The following DOCK3 variants were observed in gnomAD, a reference collection of about 807,000 sequenced individuals.
The protein encoded by DOCK3 is dedicator of cytokinesis protein 3.
Under a neutral mutation model 265.6 loss-of-function variants are expected in DOCK3, and 60 were observed. The ratio of observed to expected loss-of-function variants is 0.23; its 90% CI spans 0.18 to 0.28. The LOEUF (loss-of-function observed/expected upper bound fraction) is 0.28. Ranked by LOEUF, DOCK3 falls within the 10% of genes least tolerant of loss-of-function variation. The probability of loss-of-function intolerance (pLI) is 1.00; values close to 1 mark genes in which losing one functional copy is unlikely to be tolerated. For synonymous variants in DOCK3, 881 were observed against 938.0 expected (o/e 0.94, Z 1.11); for missense variants, 1,981 against 2,594.3 (o/e 0.76, Z 5.14).
At chr3:50,821,196 A>G (rs553279783) in intron 2 of DOCK3, among the ~76,000 whole-genome samples, 1 of 133,344 alleles carries the variant, frequency 7.5e-6, no homozygotes, top group South Asian at 2.3e-4. Flanking sequence ...ATTAGGTCCC[A>G]CTTGTCAATT....
intron 2 of DOCK3, among the ~76,000 whole-genome samples, chr3:50,802,711 T>C (rs1044408440): frequency 2.6e-5 from 4 of 152,176 alleles, no homozygotes; most frequent in Admixed American, 6.5e-5. Context: ...AATTATTTCT[T>C]TGTCTTTGAC....
chr3:51,002,821 A>G (rs150770261), intron 5 of DOCK3, among the ~76,000 whole-genome samples: 88 of 152,312 alleles, frequency 5.8e-4, no homozygotes, highest in Non-Finnish European at 1.1e-3. Context: ...GACAAATTAC[A>G]TTTCCACTTG....
intron 49 of DOCK3, among the ~76,000 whole-genome samples, chr3:51,363,983 A>G (rs909771216): frequency 2.1e-4 from 32 of 152,294 alleles, no homozygotes; most frequent in Non-Finnish European, 2.9e-4. Flanking sequence ...ATGATTTATA[A>G]TCCTTTGGGT....
intron 22 of DOCK3, among the ~76,000 whole-genome samples, chr3:51,256,127 G>A (rs1005303102): frequency 2.0e-5 from 3 of 152,144 alleles, no homozygotes; most frequent in African/African-American, 2.4e-5. Flanking sequence ...GGAGTTTGCC[G>A]GAGGTCCACT....
At position 51,298,060 on chromosome 3, in the gene DOCK3, A is replaced by G. The variant is rs1049330239; in HGVS notation, c.2923-12172A>G. 2.6e-5 allele frequency among the ~76,000 whole-genome samples: 4 copies of G among 152,220 alleles called. No individual in the cohort carries two copies. The East Asian group carries it at 7.7e-4, about 29-fold the overall frequency. On this transcript the variant is annotated intron_variant, in intron 27 of 52. Coordinates refer to ENST00000266037, the MANE Select transcript of DOCK3 (RefSeq NM_004947.5). ...ATTCTTTAAACATTTCATAGATTTTATTAGTGAAACCATCTTGTCCTAGAA... is the reference window on the plus strand; with the variant it reads ...ATTCTTTAAACATTTCATAGATTTTGTTAGTGAAACCATCTTGTCCTAGAA...
chr3:51,249,518 C>T lies in DOCK3; in HGVS notation c.2184+2711C>T, dbSNP rs1272072342. ...GAGGGAGGTGGGGGGGTCAGCTCCC[C>T]GCCCGGCCAGCCGCCCGGTCCGGGA... is the stretch of plus-strand genomic sequence containing the variant. On this transcript the variant is annotated intron_variant, in intron 22 of 52. Coordinates refer to ENST00000266037, the MANE Select transcript of DOCK3 (RefSeq NM_004947.5). Among the ~76,000 whole-genome samples the T allele has an allele frequency of 1.4e-4, 13 of 92,560 alleles. 1 individual carries two copies. The highest frequency in any genetic ancestry group is 3.2e-4 in the East Asian group (1 of 3,166). The allele number at this position is 92,560 out of a possible 152,430, so 60.7% of individuals were successfully genotyped here.
At position 50,675,506 on chromosome 3, in the gene DOCK3, G is replaced by C. The variant is rs1338497702; in HGVS notation, c.37+206G>C. Among the ~76,000 whole-genome samples, 1 of 151,970 alleles carries C rather than the reference G, an allele frequency of 6.6e-6. No individual in the cohort carries two copies. Among genetic ancestry groups the C allele is most frequent in the Admixed American group, 6.6e-5 (1 of 15,256 alleles). On this transcript the variant is annotated intron_variant, in intron 1 of 52. Coordinates refer to ENST00000266037, the MANE Select transcript of DOCK3 (RefSeq NM_004947.5). The surrounding 1 kb of genome is among the most constrained non-coding windows in gnomAD (Gnocchi z 6.1). Reference sequence around the variant, plus strand: ...GGTCTCTGTGCAGAGAGGGCGGCAGGGGGCGCTGGCGGTGCGGCCTTGGCA... The same window carrying C: ...GGTCTCTGTGCAGAGAGGGCGGCAGCGGGCGCTGGCGGTGCGGCCTTGGCA...
intron 4 of DOCK3, among the ~76,000 whole-genome samples, chr3:50,921,362 T>C (rs1313920270): frequency 6.6e-6 from 1 of 152,224 alleles, no homozygotes; most frequent in Admixed American, 6.5e-5. Flanking sequence ...CTTGTGCATG[T>C]GTCACGTAGT....
intron 4 of DOCK3, among the ~76,000 whole-genome samples, chr3:50,918,486 T>G (rs1049226733): frequency 2.0e-5 from 3 of 152,202 alleles, no homozygotes; most frequent in African/African-American, 7.2e-5. Context: ...ATTGTGGTTT[T>G]GATTTGCATT....
chr3:51,343,821 G>A (rs1286843960), intron 38 of DOCK3, among the ~76,000 whole-genome samples: 2 of 152,160 alleles, frequency 1.3e-5, no homozygotes, highest in African/African-American at 2.4e-5. Context: ...ATTAGCCATG[G>A]CTAATAACAT....
intron 49 of DOCK3, among the ~76,000 whole-genome samples, chr3:51,373,731 C>A (rs945087549): frequency 1.3e-5 from 2 of 152,198 alleles, no homozygotes; most frequent in Non-Finnish European, 2.9e-5. Context: ...ACTAAAGAGC[C>A]TGAGTTAAAG....
At chr3:50,983,172 C>T (rs1221898674) in intron 5 of DOCK3, among the ~76,000 whole-genome samples, 1 of 152,056 alleles carries the variant, frequency 6.6e-6, no homozygotes, top group Non-Finnish European at 1.5e-5. Context: ...ACTTTGGGTA[C>T]ACAGGGGGTA....
chr3:50,994,649 A>G (rs1328634566), intron 5 of DOCK3, among the ~76,000 whole-genome samples: 1 of 152,246 alleles, frequency 6.6e-6, no homozygotes, highest in African/African-American at 2.4e-5. Context: ...AGGTGAAGAT[A>G]TCTGTAAACA....
At chr3:50,722,906 G>A (rs760548947) in intron 1 of DOCK3, among the ~76,000 whole-genome samples, 1 of 151,642 alleles carries the variant, frequency 6.6e-6, no homozygotes, top group Non-Finnish European at 1.5e-5. Flanking sequence ...CAAGTAGCTG[G>A]GACTACAGGC....
chr3:50,841,743 C>CTTTTTCTTTTTTTTTT, intron 3 of DOCK3, 28 bp downstream of exon 3: 1 of 483,402 alleles, frequency 2.1e-6, no homozygotes, highest in South Asian at 4.8e-5. Context: ...GTTACCTTTT[C>CTTTTTCTTTTTTTTTT]TAATGTAGGA....
chr3:51,189,727 T>C (rs1316206484), intron 12 of DOCK3, among the ~76,000 whole-genome samples: 1 of 152,228 alleles, frequency 6.6e-6, no homozygotes, highest in Non-Finnish European at 1.5e-5. Flanking sequence ...AACTTACATA[T>C]GCAAGTGTCT....
intron 22 of DOCK3, among the ~76,000 whole-genome samples, chr3:51,254,470 T>C (rs939356150): frequency 6.6e-6 from 1 of 152,210 alleles, no homozygotes; most frequent in Non-Finnish European, 1.5e-5. Context: ...AGTGGGGTGT[T>C]AAAGTCTCCC....
intron 5 of DOCK3, among the ~76,000 whole-genome samples, chr3:51,059,937 A>T (rs2081352133): frequency 6.6e-6 from 1 of 152,148 alleles, no homozygotes; most frequent in Non-Finnish European, 1.5e-5. Context: ...TTCAAAATTT[A>T]GTTTGAAATT....
intron 27 of DOCK3, among the ~76,000 whole-genome samples, chr3:51,288,946 A>G (rs1043325809): frequency 6.6e-6 from 1 of 151,348 alleles, no homozygotes; most frequent in African/African-American, 2.4e-5. Context: ...GTGTATTTAA[A>G]GTAAATCGGT....
Sources: gnomAD v4.1 joint callset for allele counts (sites outside exome capture counted in the v4.1 genomes callset) on GRCh38, gnomAD v4.1.1 for gene constraint, Gnocchi (gnomAD v3.1) non-coding constraint, MANE v1.5 for transcripts, NCBI Gene and HGNC (gene_info 2026-07-23, HGNC 2026-07-21) for gene names.